Variants in GLG1 observed in about 807,000 individuals in gnomAD.
GLG1 encodes golgi glycoprotein 1, also known as Golgi apparatus protein 1.
GLG1 carries 38 observed loss-of-function variants against 160.5 expected under a neutral mutation model. The observed-to-expected ratio is 0.24, with a 90% CI of 0.18 to 0.31. GLG1 has a LOEUF of 0.31. GLG1 is among the 10% of genes least tolerant of loss of function. The pLI is 1.00. For synonymous variants in GLG1, 644 were observed against 543.4 expected, an observed-to-expected ratio of 1.19 and a Z score of -2.57; for missense variants, 1,373 against 1,505.2, an observed-to-expected ratio of 0.91 and a Z score of 1.45.
intron 16 of GLG1, chr16:74,469,570 G>T: frequency 5.3e-6 from 1 of 188,270 alleles, no homozygotes; most frequent in Non-Finnish European, 1.1e-5. Flanking sequence ...ATTCTTAAAT[G>T]AATAAAGATT....
chr16:74,574,591 G>A (rs1458152116), intron 1 of GLG1, among the ~76,000 whole-genome samples: 1 of 151,966 alleles, frequency 6.6e-6, no homozygotes, highest in Non-Finnish European at 1.5e-5. Flanking sequence ...ATAAAAAAGA[G>A]GTAGAATCTA....
intron 3 of GLG1, among the ~76,000 whole-genome samples, chr16:74,506,348 G>C (rs376481336): frequency 1.3e-5 from 2 of 151,510 alleles, no homozygotes; most frequent in Non-Finnish European, 2.9e-5. Flanking sequence ...GGAGGCCCAG[G>C]CGGGCGGATC....
Position 74,494,931 on chromosome 16 carries a change from T to C in GLG1, c.979-100A>G, listed in dbSNP as rs899433229. ...AGAGCTTTCTATTAAACGATTATAA[T>C]CGTACATACCTTTGGACAAACAGCG... On this transcript the variant is annotated intron_variant, in intron 5 of 25. Coordinates refer to ENST00000422840, the MANE Select transcript of GLG1 (RefSeq NM_001145667.2). 2.2e-5 allele frequency: 14 copies of C among 646,876 alleles called. No homozygotes were observed. The African/African-American group carries it at 2.4e-4, about 11-fold the overall frequency. The allele number at this position is 646,876 out of a possible 1,614,324, so 40.1% of individuals were successfully genotyped here.
In GLG1 at chr16:74,591,609, C is replaced by T. The variant is rs558905397; in HGVS notation, c.438+15048G>A. On this transcript the variant is annotated intron_variant, in intron 1 of 25. Coordinates refer to ENST00000422840, the MANE Select transcript of GLG1 (RefSeq NM_001145667.2). Reference sequence around the variant, plus strand: ...CACCACTGCACTCCAGCCTGGGAGACAGAGCAAGACTCTGTCTCGAAAAAA... The same window carrying T: ...CACCACTGCACTCCAGCCTGGGAGATAGAGCAAGACTCTGTCTCGAAAAAA... 2.0e-5 allele frequency among the ~76,000 whole-genome samples: 3 copies of T among 152,090 alleles called. No homozygotes were observed. The East Asian group carries it at 5.8e-4, about 29-fold the overall frequency.
intron 1 of GLG1, among the ~76,000 whole-genome samples, chr16:74,602,475 C>A (rs1474822519): frequency 1.3e-5 from 2 of 152,188 alleles, no homozygotes; most frequent in Admixed American, 6.5e-5. Flanking sequence ...AGCCTCCCAA[C>A]CCTGTGCCCT....
At position 74,565,602 on chromosome 16, in the gene GLG1, A is replaced by G. The variant is rs139787002; in HGVS notation, c.439-33449T>C. On this transcript the variant is annotated intron_variant, in intron 1 of 25. Coordinates refer to ENST00000422840, the MANE Select transcript of GLG1 (RefSeq NM_001145667.2). ...TAAGCCAAAGGCCCAGCTGTAACCA[A>G]TCCTGCAGTTTCTGTACCTCACTTC... Among the ~76,000 whole-genome samples, 136 of 152,332 alleles carry G rather than the reference A, an allele frequency of 8.9e-4. 1 individual carries two copies. The East Asian group carries it at 0.024, about 27-fold the overall frequency.
At chr16:74,582,758 G>C (rs1459457124) in intron 1 of GLG1, among the ~76,000 whole-genome samples, 1 of 151,790 alleles carries the variant, frequency 6.6e-6, no homozygotes, top group Non-Finnish European at 1.5e-5. Context: ...GGTGGAGCTT[G>C]ACAGTGAGCC....
intron 6 of GLG1, among the ~76,000 whole-genome samples, chr16:74,493,769 T>C (rs1359323653): frequency 1.3e-5 from 2 of 152,196 alleles, no homozygotes; most frequent in African/African-American, 2.4e-5. Context: ...AAAAATTAAA[T>C]AGCTAATTGC....
chr16:74,480,144 A>C (rs2015545698), intron 11 of GLG1, 97 bp downstream of exon 11: 10 of 1,015,842 alleles, frequency 9.8e-6, no homozygotes, highest in Non-Finnish European at 1.2e-5. Flanking sequence ...TAGTCTAAAA[A>C]GTTTTCCTAA....
intron 4 of GLG1, among the ~76,000 whole-genome samples, chr16:74,498,901 C>T (rs1005661921): frequency 7.9e-6 from 1 of 126,108 alleles, no homozygotes; most frequent in Non-Finnish European, 1.7e-5. Context: ...ATTCCTAAAA[C>T]CAAGTAGCGT....
chr16:74,553,701 C>G (rs2018273780), intron 1 of GLG1, among the ~76,000 whole-genome samples: 2 of 152,134 alleles, frequency 1.3e-5, no homozygotes, highest in Non-Finnish European at 2.9e-5. Flanking sequence ...TCTCGATCTC[C>G]TGACCTCGTG....
At chr16:74,567,341 T>C (rs1272310834) in intron 1 of GLG1, among the ~76,000 whole-genome samples, 1 of 152,136 alleles carries the variant, frequency 6.6e-6, no homozygotes, top group African/African-American at 2.4e-5. Flanking sequence ...TGGCTCACAA[T>C]AGTTTCACTG....
At chr16:74,515,420 A>G (rs865941034) in intron 2 of GLG1, among the ~76,000 whole-genome samples, 2 of 152,200 alleles carry the variant, frequency 1.3e-5, no homozygotes, top group Non-Finnish European at 2.9e-5. Flanking sequence ...AACAAATGTA[A>G]AAGAGGAGAA....
At chr16:74,475,983 AC>A (rs1241562168) in intron 12 of GLG1, among the ~76,000 whole-genome samples, 1 of 152,120 alleles carries the variant, frequency 6.6e-6, no homozygotes, top group Non-Finnish European at 1.5e-5. Context: ...GGAGTTAGAG[AC>A]CAGCATGGGT....
Position 74,481,728 on chromosome 16 carries a change from T to C in GLG1, c.1673+1295A>G, listed in dbSNP as rs557012963. ...CGTCTTTTGAGATAGGGTCTCACCGTTAACATGCAGTGGCATGATCACAGC... is the reference window on the plus strand; with the variant it reads ...CGTCTTTTGAGATAGGGTCTCACCGCTAACATGCAGTGGCATGATCACAGC... On this transcript the variant is annotated intron_variant, in intron 10 of 25. Coordinates refer to ENST00000422840, the MANE Select transcript of GLG1 (RefSeq NM_001145667.2). 9.1e-4 allele frequency among the ~76,000 whole-genome samples: 138 copies of C among 152,318 alleles called. 1 individual carries two copies. The highest frequency in any genetic ancestry group is 1.7e-3 in the Non-Finnish European group (118 of 68,012).
chr16:74,498,448 G>GTGTATATATATATATATATATATATA (rs1491436581), intron 4 of GLG1, among the ~76,000 whole-genome samples: 389 of 24,002 alleles, frequency 0.016, 54 homozygotes, highest in Middle Eastern at 0.042. Flanking sequence ...AAAAAAAAAA[G>GTGTATATATATATATATATATATATA]TATATATATA....
In GLG1 at chr16:74,480,325, A is replaced by G; in HGVS notation, c.1743T>C (p.Asn581=). The G allele has an allele frequency of 1.2e-6, 2 of 1,609,896 alleles. No homozygotes were observed. Among genetic ancestry groups the G allele is most frequent in the Middle Eastern group, 3.3e-4 (2 of 6,060 alleles). Residue 581 remains asparagine, a synonymous_variant, in exon 11 of 26, where the codon AAT becomes AAC. Coordinates refer to ENST00000422840, the MANE Select transcript of GLG1 (RefSeq NM_001145667.2). Reference sequence around the variant, plus strand: ...CCTGAGGCATAAATTCACTGGTCTCATTCCAACCGTGGGTGTGGCAAAGAC... The same window carrying G: ...CCTGAGGCATAAATTCACTGGTCTCGTTCCAACCGTGGGTGTGGCAAAGAC... ...ASRLCHTHGW[N]ETSEFMPQGA... is the part of the protein sequence containing the mutation.
chr16:74,477,977 A>AAAAC (rs55773213), intron 11 of GLG1, among the ~76,000 whole-genome samples: 11,876 of 140,148 alleles, frequency 0.085, 563 homozygotes, highest in Non-Finnish European at 0.11. Flanking sequence ...CCGTCTCAAA[A>AAAAC]AAATAAATAA....
At chr16:74,500,467 CA>C (rs1396073345) in intron 4 of GLG1, among the ~76,000 whole-genome samples, 57 of 140,448 alleles carry the variant, frequency 4.1e-4, no homozygotes, top group Non-Finnish European at 7.5e-4. Context: ...ACGGCCCCCA[CA>C]AAAAAAAACA....
Sources: allele counts gnomAD v4.1 joint callset (sites outside exome capture counted in the v4.1 genomes callset), GRCh38; gene constraint gnomAD v4.1.1; transcripts MANE v1.5; gene names NCBI Gene and HGNC (gene_info 2026-07-23, HGNC 2026-07-21).